IL1R2: variants seen among roughly 807,000 people sequenced by gnomAD.
The protein encoded by IL1R2 is interleukin-1 receptor type 2.
In IL1R2, 46 loss-of-function variants were observed where a neutral mutation model predicts 39.5. The observed-to-expected ratio is 1.16, with a 90% CI of 0.92 to 1.49. The LOEUF (loss-of-function observed/expected upper bound fraction) is 1.49. IL1R2 is among the 40% of genes most tolerant of loss of function. The probability of loss-of-function intolerance (pLI) is 0.00; values close to 1 mark genes in which losing one functional copy is unlikely to be tolerated. For missense variants in IL1R2, 537 were observed against 502.0 expected, an observed-to-expected ratio of 1.07 and a Z score of -0.67; for synonymous variants, 207 against 189.6, an observed-to-expected ratio of 1.09 and a Z score of -0.75.
chr2:102,002,346 G>T (rs201899614), intron 1 of IL1R2, among the ~76,000 whole-genome samples: 1 of 49,496 alleles, frequency 2.0e-5, no homozygotes, highest in Non-Finnish European at 3.4e-5. Flanking sequence ...GTGTCTGCGG[G>T]TGTGTCTGTG....
intron 3 of IL1R2, among the ~76,000 whole-genome samples, chr2:102,012,564 C>T (rs527862382): frequency 6.7e-5 from 10 of 149,600 alleles, no homozygotes; most frequent in African/African-American, 9.8e-5. Context: ...TGTGCATGTG[C>T]GTGCATGTGT....
intron 1 of IL1R2, among the ~76,000 whole-genome samples, chr2:102,003,710 C>T (rs1302643985): frequency 9.9e-5 from 15 of 150,798 alleles, no homozygotes; most frequent in African/African-American, 3.4e-4. Context: ...ATGTCTATGT[C>T]TGTGTCTTTG....
At chr2:102,000,474 AG>A (rs771428833) in intron 1 of IL1R2, among the ~76,000 whole-genome samples, 6 of 152,240 alleles carry the variant, frequency 3.9e-5, no homozygotes, top group Admixed American at 6.5e-5. Context: ...GCTTCCCCAC[AG>A]GGTCGAATAT....
intron 4 of IL1R2, among the ~76,000 whole-genome samples, chr2:102,016,796 G>A (rs1298191209): frequency 7.2e-5 from 11 of 152,198 alleles, no homozygotes; most frequent in Admixed American, 6.5e-4. Flanking sequence ...TAGGTTATAT[G>A]CAAAGATGAC....
At chr2:102,012,696 C>A (rs1350761583) in intron 3 of IL1R2, among the ~76,000 whole-genome samples, 2 of 152,178 alleles carry the variant, frequency 1.3e-5, no homozygotes, top group African/African-American at 2.4e-5. Context: ...AAGAAGCAGG[C>A]AAACCATCTT....
chr2:102,025,828 G>A (rs1677713678), intron 7 of IL1R2, among the ~76,000 whole-genome samples: 1 of 152,188 alleles, frequency 6.6e-6, no homozygotes, highest in East Asian at 1.9e-4. Flanking sequence ...TGTTCATTAA[G>A]AGACTTAAAA....
In IL1R2 at chr2:102,009,839, G is replaced by T. The variant is rs780041137; in HGVS notation, c.332+13G>T. ...TCTGCACTACTAGGTAAGTCTCCCT[G>T]TGCGGGGCTGGGGAGGGGATCCTGG... On this transcript the variant is annotated intron_variant, in intron 3 of 8. Transcript: ENST00000332549. 1.9e-6 allele frequency: 3 copies of T among 1,612,658 alleles called. No individual in the cohort carries two copies. The highest frequency in any genetic ancestry group is 2.5e-6 in the Non-Finnish European group (3 of 1,178,852).
chr2:102,003,008 G>A (rs13027443), intron 1 of IL1R2, among the ~76,000 whole-genome samples: 31,051 of 124,010 alleles, frequency 0.25, 4,963 homozygotes, highest in African/African-American at 0.44. Context: ...GTCTATGTCT[G>A]TGTCTGTGTC....
At chr2:101,994,530 T>C (rs11674595) in intron 1 of IL1R2, among the ~76,000 whole-genome samples, 34,196 of 152,184 alleles carry the variant, frequency 0.22, 4,750 homozygotes, top group Non-Finnish European at 0.28. Context: ...GCTGAATGTC[T>C]GATTCAGTAA....
In IL1R2 at chr2:102,019,664, T is replaced by C. The variant is rs778339919; in HGVS notation, c.540T>C (p.Asn180=). ...YKDSLLLDKD[N]EKFLSVRGTT... ...ATTCTCTTCTTTTGGATAAAGACAA[T>C]GAGAAATTTCTAAGTGTGAGGGGGA... The change falls in exon 5 of 9, where the codon AAT becomes AAC. Residue 180 remains asparagine, a synonymous_variant. Transcript: ENST00000332549. 1 of 1,612,294 alleles carries C rather than the reference T, an allele frequency of 6.2e-7. No individual in the cohort carries two copies. The highest frequency in any genetic ancestry group is 8.5e-7 in the Non-Finnish European group (1 of 1,179,018).
Position 102,009,767 on chromosome 2 carries a change from T to G in IL1R2, c.273T>G (p.Gly91=). The G allele has an allele frequency of 2.5e-6, 4 of 1,614,214 alleles. No homozygotes were observed. The highest frequency in any genetic ancestry group is 3.4e-6 in the Non-Finnish European group (4 of 1,180,030). The part of the protein sequence containing the change: ...EEETRMWAQD[G]ALWLLPALQE... ...AGACACGGATGTGGGCCCAGGACGG[T>G]GCTCTGTGGCTTCTGCCAGCCTTGC... Residue 91 remains glycine, a synonymous_variant, in exon 3 of 9, where the codon GGT becomes GGG. Transcript: ENST00000332549.
chr2:101,992,953 C>T (rs1675420886), intron 1 of IL1R2, among the ~76,000 whole-genome samples: 1 of 152,080 alleles, frequency 6.6e-6, no homozygotes, highest in South Asian at 2.1e-4. Context: ...GTTTTTCTAT[C>T]TGTCAAAAGA....
Position 102,022,183 on chromosome 2 carries a change from T to G in IL1R2, c.689-4T>G, listed in dbSNP as rs3218961. On this transcript the variant is annotated splice_region_variant and splice_polypyrimidine_tract_variant and intron_variant, in intron 5 of 8. Transcript: ENST00000332549. Reference sequence around the variant, plus strand: ...GGAATCTCTTTTCCTTACATCTTTCTCAGAAAAAAAAGAAGAGACCATTCC... The same window carrying G: ...GGAATCTCTTTTCCTTACATCTTTCGCAGAAAAAAAAGAAGAGACCATTCC... 1,839 of 1,611,470 alleles carry G rather than the reference T, an allele frequency of 1.1e-3. 18 individuals carry two copies. The African/African-American group carries it at 0.022, about 19-fold the overall frequency.
At chr2:102,012,618 A>G (rs1577709199) in intron 3 of IL1R2, among the ~76,000 whole-genome samples, 1 of 152,090 alleles carries the variant, frequency 6.6e-6, no homozygotes, top group African/African-American at 2.4e-5. Context: ...TGACACTACC[A>G]TCCATATGTC....
intron 1 of IL1R2, among the ~76,000 whole-genome samples, chr2:102,005,826 G>C (rs1422714628): frequency 6.6e-6 from 1 of 152,234 alleles, no homozygotes; most frequent in African/African-American, 2.4e-5. Context: ...CAGATATTGG[G>C]AGAAGAAACT....
chr2:102,011,055 G>A (rs554740948), intron 3 of IL1R2, among the ~76,000 whole-genome samples: 2 of 152,324 alleles, frequency 1.3e-5, no homozygotes, highest in Admixed American at 6.5e-5. Context: ...TCATGTTGTA[G>A]CATGAGTCAG....
At position 102,009,603 on chromosome 2, in the gene IL1R2, C is replaced by T. The variant is rs145537257; in HGVS notation, c.109C>T (p.Arg37Trp). Residue 37 changes from arginine (R) to tryptophan (W), a missense_variant, in exon 3 of 9, where the codon CGG becomes TGG. Arg to Trp is a moderately radical substitution (Grantham distance 101). Coordinates refer to ENST00000332549, the MANE Select transcript of IL1R2 (RefSeq NM_004633.4). ...CCGGTTTCGTGGGAGGCATTACAAG[C>T]GGGAGTTCAGGCTGGAAGGGGAGCC... ...SCRFRGRHYK[R>W]EFRLEGEPVA... The T allele has an allele frequency of 4.5e-5, 72 of 1,614,036 alleles. 1 individual carries two copies. The highest frequency in any genetic ancestry group is 3.3e-4 in the Middle Eastern group (2 of 6,084).
At chr2:102,008,859 CAAAAAAAAAA>C in intron 2 of IL1R2, among the ~76,000 whole-genome samples, 1 of 58,014 alleles carries the variant, frequency 1.7e-5, no homozygotes, top group East Asian at 4.2e-4. Flanking sequence ...CACGTCTCTA[CAAAAAAAAAA>C]AAAAAAAAAG....
At chr2:102,006,472 C>T (rs527482817) in intron 1 of IL1R2, among the ~76,000 whole-genome samples, 1 of 152,114 alleles carries the variant, frequency 6.6e-6, no homozygotes, top group African/African-American at 2.4e-5. Flanking sequence ...TCAGGGTTCC[C>T]CACTCACGAG....
Sources: allele counts gnomAD v4.1 joint callset (sites outside exome capture counted in the v4.1 genomes callset), GRCh38; gene constraint gnomAD v4.1.1; transcripts MANE v1.5; gene names NCBI Gene and HGNC (gene_info 2026-07-23, HGNC 2026-07-21).